UTRN: variants seen among roughly 807,000 people sequenced by gnomAD.
The protein encoded by UTRN is utrophin.
In UTRN, 283 loss-of-function variants were observed where a neutral mutation model predicts 463.9. The observed-to-expected ratio is 0.61, with a 90% CI of 0.55 to 0.67. UTRN has a LOEUF of 0.67. Ranked by LOEUF, UTRN falls within the 30% of genes least tolerant of loss-of-function variation. The pLI, the probability that UTRN is intolerant of heterozygous loss-of-function variation, is 0.00. For synonymous variants in UTRN, 1,442 were observed against 1,431.5 expected (o/e 1.01, Z -0.17); for missense variants, 3,922 against 4,084.3 (o/e 0.96, Z 1.08).
At chr6:144,570,620 A>G (rs1481250056) in intron 50 of UTRN, among the ~76,000 whole-genome samples, 1 of 152,222 alleles carries the variant, frequency 6.6e-6, no homozygotes, top group Non-Finnish European at 1.5e-5. Flanking sequence ...TTTTTAAAGT[A>G]GTATCTCTTT....
At chr6:144,827,207 T>G in intron 66 of UTRN, 141 bp from the exon 67 acceptor site, 1 of 913,504 alleles carries the variant, frequency 1.1e-6, no homozygotes, top group South Asian at 1.6e-5. Context: ...TTACTTTTGA[T>G]TTCCCCATGG....
chr6:144,848,823 T>G (rs1460285841), intron 74 of UTRN, among the ~76,000 whole-genome samples: 1 of 152,106 alleles, frequency 6.6e-6, no homozygotes, highest in Non-Finnish European at 1.5e-5. Context: ...TTTGAGCCAT[T>G]TTTTACTTCA....
Position 144,839,284 on chromosome 6 carries a change from G to T in UTRN, c.10177G>T (p.Ala3393Ser), listed in dbSNP as rs778447171. 7 of 1,612,826 alleles carry T rather than the reference G, an allele frequency of 4.3e-6. No individual in the cohort carries two copies. Among genetic ancestry groups the T allele is most frequent in the African/African-American group, 2.7e-5 (2 of 75,042 alleles). The change falls in exon 72 of 75, where the codon GCG becomes TCG. Residue 3393 changes from alanine to serine, a missense_variant and splice_region_variant. Ala to Ser is a moderately conservative substitution (Grantham distance 99). Transcript: ENST00000367545. ...CTCCGGCCCACAGTTCCACCAGGCAGGTCGGTGTCCCCAGCACACAGCTCC... is the reference window on the plus strand; with the variant it reads ...CTCCGGCCCACAGTTCCACCAGGCATGTCGGTGTCCCCAGCACACAGCTCC... ...DASGPQFHQAAGEDLLAPPHD... is the reference protein window; with the variant it reads ...DASGPQFHQASGEDLLAPPHD...
At chr6:144,671,817 C>T (rs894143962) in intron 51 of UTRN, among the ~76,000 whole-genome samples, 7 of 151,904 alleles carry the variant, frequency 4.6e-5, no homozygotes, top group Middle Eastern at 3.4e-3. Flanking sequence ...CTTTTATTAC[C>T]TTAAGGAATG....
chr6:144,660,059 C>T lies in UTRN; in HGVS notation c.7480-18347C>T, dbSNP rs892017515. 2.2e-5 allele frequency: 8 copies of T among 360,434 alleles called. No homozygotes were observed. The Admixed American group carries it at 3.0e-4, about 13-fold the overall frequency. The allele number at this position is 360,434 out of a possible 1,614,324, so 22.3% of individuals were successfully genotyped here. A position where few individuals can be genotyped will look rare whatever the true frequency, so the allele number is the denominator to read the frequency against. ...GTGGGGTGGCTAAAATGTCCCAGCG[C>T]AAGCTGCCGCTGCTGCTGATGGACC... On this transcript the variant is annotated intron_variant, in intron 51 of 74. Coordinates refer to ENST00000367545, the MANE Select transcript of UTRN (RefSeq NM_007124.3).
intron 51 of UTRN, among the ~76,000 whole-genome samples, chr6:144,598,259 T>C (rs2128635176): frequency 6.6e-6 from 1 of 152,296 alleles, no homozygotes; most frequent in East Asian, 1.9e-4. Flanking sequence ...AAGATGTACA[T>C]TGGTTTGGTC....
chr6:144,287,012 T>G (rs566878192), intron 1 of UTRN, among the ~76,000 whole-genome samples: 68 of 152,144 alleles, frequency 4.5e-4, no homozygotes, highest in Non-Finnish European at 7.9e-4. Context: ...TCCCTAGGTC[T>G]GAGCCGACCC....
chr6:144,380,202 A>G (rs538512301), intron 2 of UTRN, among the ~76,000 whole-genome samples: 1 of 152,330 alleles, frequency 6.6e-6, no homozygotes, highest in South Asian at 2.1e-4. Context: ...TTTAATGTCC[A>G]GACAATAAAA....
intron 51 of UTRN, among the ~76,000 whole-genome samples, chr6:144,641,394 A>T (rs1346065135): frequency 6.6e-6 from 1 of 152,156 alleles, no homozygotes; most frequent in African/African-American, 2.4e-5. Flanking sequence ...TGAAGACTAA[A>T]GTTTTATCCT....
At chr6:144,700,441 AT>A (rs1268809717) in intron 53 of UTRN, among the ~76,000 whole-genome samples, 198 bp downstream of exon 53, 1 of 151,888 alleles carries the variant, frequency 6.6e-6, no homozygotes, top group African/African-American at 2.4e-5. Flanking sequence ...ATTTAACTAA[AT>A]TTTTTTCAAA....
In UTRN at chr6:144,550,835, C is replaced by T. The variant is rs190110627; in HGVS notation, c.6811-130C>T. 5.7e-4 allele frequency: 354 copies of T among 618,532 alleles called. 2 individuals are homozygous for T. In the Middle Eastern group the frequency reaches 7.4e-3, roughly 13 times the overall value. The allele number at this position is 618,532 out of a possible 1,614,324, so 38.3% of individuals were successfully genotyped here. A position where few individuals can be genotyped will look rare whatever the true frequency, so the allele number is the denominator to read the frequency against. On this transcript the variant is annotated intron_variant, in intron 47 of 74. Transcript: ENST00000367545. ...TAAATCATGCACTCATTTTCTGCCA[C>T]GTTGCTGATGCTTCACTATGCCATA...
At chr6:144,785,170 G>A (rs1776195952) in intron 61 of UTRN, among the ~76,000 whole-genome samples, 1 of 152,156 alleles carries the variant, frequency 6.6e-6, no homozygotes, top group African/African-American at 2.4e-5. Context: ...ATACATCTGT[G>A]AATCTGAGGA....
chr6:144,451,690 T>G (rs955652792), intron 18 of UTRN, among the ~76,000 whole-genome samples, 197 bp downstream of exon 18: 1 of 151,848 alleles, frequency 6.6e-6, no homozygotes, highest in African/African-American at 2.4e-5. Context: ...GGAGGACGTT[T>G]TTTTTTTTTC....
intron 49 of UTRN, among the ~76,000 whole-genome samples, chr6:144,555,784 C>G (rs1244089114): frequency 1.3e-5 from 2 of 152,154 alleles, no homozygotes; most frequent in African/African-American, 4.8e-5. Flanking sequence ...CCAGTCACCT[C>G]CCACCAGGCT....
chr6:144,757,358 G>A (rs1187585917), intron 57 of UTRN, among the ~76,000 whole-genome samples: 2 of 151,794 alleles, frequency 1.3e-5, no homozygotes, highest in Non-Finnish European at 2.9e-5. Flanking sequence ...GTAAGAAATT[G>A]GGATTTTTCT....
At chr6:144,544,393 A>G (rs1469566122) in intron 46 of UTRN, among the ~76,000 whole-genome samples, 1 of 152,054 alleles carries the variant, frequency 6.6e-6, no homozygotes, top group African/African-American at 2.4e-5. Flanking sequence ...AAAACCTCTT[A>G]CTCATTAAGC....
intron 33 of UTRN, among the ~76,000 whole-genome samples, chr6:144,496,080 C>A (rs747294521): frequency 9.2e-5 from 14 of 152,114 alleles, no homozygotes; most frequent in Non-Finnish European, 1.9e-4. Context: ...TGAATCCATG[C>A]AGGAGTTGTT....
At chr6:144,428,672 C>T (rs1327631156) in intron 7 of UTRN, 106 bp from the exon 8 acceptor site, 1 of 566,984 alleles carries the variant, frequency 1.8e-6, no homozygotes, top group Non-Finnish European at 2.9e-6. Context: ...TCAAAAAAAC[C>T]TCACAAATAA....
intron 63 of UTRN, among the ~76,000 whole-genome samples, chr6:144,794,300 G>A (rs1193447072): frequency 6.6e-6 from 1 of 152,088 alleles, no homozygotes; most frequent in African/African-American, 2.4e-5. Flanking sequence ...CTTTCCAGCT[G>A]CACTGTTTTA....
Sources: gnomAD v4.1 joint callset for allele counts (sites outside exome capture counted in the v4.1 genomes callset) on GRCh38, gnomAD v4.1.1 for gene constraint, MANE v1.5 for transcripts, NCBI Gene and HGNC (gene_info 2026-07-23, HGNC 2026-07-21) for gene names.